The following ATG5 variants were observed in gnomAD, a reference collection of about 807,000 sequenced individuals.
ATG5 encodes the protein autophagy protein 5.
A neutral mutation model predicts 36.5 loss-of-function variants in ATG5; 14 were observed. The observed-to-expected ratio is 0.38, with a 90% CI of 0.25 to 0.60. The LOEUF (loss-of-function observed/expected upper bound fraction) is 0.60. ATG5 is among the 20% of genes least tolerant of loss of function. The probability of loss-of-function intolerance (pLI) is 0.60; values close to 1 mark genes in which losing one functional copy is unlikely to be tolerated. For missense variants in ATG5, 195 were observed against 326.7 expected, an observed-to-expected ratio of 0.60 and a Z score of 3.11; for synonymous variants, 95 against 101.5, an observed-to-expected ratio of 0.94 and a Z score of 0.38.
intron 6 of ATG5, among the ~76,000 whole-genome samples, chr6:106,215,245 A>G (rs1042640167): frequency 6.6e-6 from 1 of 152,216 alleles, no homozygotes; most frequent in African/African-American, 2.4e-5. Context: ...TGCTGACCTC[A>G]AAAGTGAAAT....
chr6:106,255,421 C>G (rs867494059), intron 5 of ATG5, among the ~76,000 whole-genome samples: 32 of 152,188 alleles, frequency 2.1e-4, no homozygotes, highest in African/African-American at 7.2e-4. Context: ...CTCTGTAAAT[C>G]GTTAAAAACT....
chr6:106,211,204 A>C lies in ATG5; in HGVS notation c.574-9115T>G, dbSNP rs1397974627. 3.9e-5 allele frequency among the ~76,000 whole-genome samples: 6 copies of C among 152,242 alleles called. No homozygotes were observed. The South Asian group carries it at 1.2e-3, about 31-fold the overall frequency. ...GAGTAAAAGGAGATTCTATTCACTGAAACAAAGTGATAAAAAGCTATGAAA... is the reference window on the plus strand; with the variant it reads ...GAGTAAAAGGAGATTCTATTCACTGCAACAAAGTGATAAAAAGCTATGAAA... On this transcript the variant is annotated intron_variant, in intron 6 of 7. Transcript: ENST00000369076.
At chr6:106,261,832 C>T (rs1035767580) in intron 5 of ATG5, among the ~76,000 whole-genome samples, 2 of 152,068 alleles carry the variant, frequency 1.3e-5, no homozygotes, top group Non-Finnish European at 2.9e-5. Context: ...CAATTATTAC[C>T]GGGGGAGCGG....
chr6:106,323,341 T>A (rs1771171071), intron 1 of ATG5, among the ~76,000 whole-genome samples: 2 of 136,436 alleles, frequency 1.5e-5, no homozygotes, highest in South Asian at 4.9e-4. Context: ...GGATCATGGG[T>A]CACTGTAACC....
chr6:106,305,404 A>T (rs1562266491), intron 3 of ATG5, among the ~76,000 whole-genome samples: 1 of 152,214 alleles, frequency 6.6e-6, no homozygotes, highest in Non-Finnish European at 1.5e-5. Context: ...ACTGAGTATG[A>T]TGAAAGTCAT....
At chr6:106,202,266 G>C (rs1476228828) in intron 6 of ATG5, 177 bp from the exon 7 acceptor site, 1 of 472,552 alleles carries the variant, frequency 2.1e-6, no homozygotes, top group Admixed American at 3.7e-5. Flanking sequence ...GATAAATTCA[G>C]GTAAATCTAA....
intron 4 of ATG5, among the ~76,000 whole-genome samples, chr6:106,280,304 A>G (rs892585408): frequency 4.6e-5 from 7 of 151,932 alleles, no homozygotes; most frequent in Non-Finnish European, 8.8e-5. Context: ...AGAAAAGAAA[A>G]AAGTATTATG....
chr6:106,228,829 G>C (rs1777549665), intron 6 of ATG5, among the ~76,000 whole-genome samples: 1 of 152,180 alleles, frequency 6.6e-6, no homozygotes, highest in African/African-American at 2.4e-5. Flanking sequence ...GGCTATCTGG[G>C]GAAGGGCTTT....
intron 2 of ATG5, among the ~76,000 whole-genome samples, chr6:106,311,585 A>T (rs1333322365): frequency 6.6e-6 from 1 of 152,230 alleles, no homozygotes; most frequent in Non-Finnish European, 1.5e-5. Context: ...TAAGATGCTG[A>T]ATATGATAGG....
In ATG5 at chr6:106,297,717, AACACACACACACACACACACACAC is replaced by A. The variant is rs56336702; in HGVS notation, c.237-4635_237-4612del. On this transcript the variant is annotated intron_variant, in intron 3 of 7. Transcript: ENST00000369076. ...TCTAAATTATTTGCAAAATGACTTAAACACACACACACACACACACACACACACACACACACACACACACACACA... is the reference window on the plus strand; with the variant it reads ...TCTAAATTATTTGCAAAATGACTTAAACACACACACACACACACACACACA... Among the ~76,000 whole-genome samples the A allele has an allele frequency of 5.2e-3, 701 of 135,514 alleles. 6 individuals are homozygous for A. The highest frequency in any genetic ancestry group is 6.2e-3 in the Non-Finnish European group (390 of 63,116). 88.9% of individuals were successfully genotyped at this position (135,514 alleles called of 152,430 possible). A position where few individuals can be genotyped will look rare whatever the true frequency, so the allele number is the denominator to read the frequency against.
chr6:106,307,588 G>A (rs1482551378), intron 3 of ATG5, among the ~76,000 whole-genome samples: 2 of 141,304 alleles, frequency 1.4e-5, no homozygotes, highest in Non-Finnish European at 3.0e-5. Context: ...TGCCCAGGCT[G>A]GAGTGGAATG....
chr6:106,297,822 G>C (rs1179505405), intron 3 of ATG5, among the ~76,000 whole-genome samples: 1 of 150,194 alleles, frequency 6.7e-6, no homozygotes, highest in Non-Finnish European at 1.5e-5. Context: ...TGTAATCCTA[G>C]CACTATGGAA....
At chr6:106,313,643 A>G (rs1365865659) in intron 2 of ATG5, among the ~76,000 whole-genome samples, 8 of 152,256 alleles carry the variant, frequency 5.3e-5, no homozygotes, top group Non-Finnish European at 1.2e-4. Context: ...GCTCAGTGAT[A>G]AACATATAGG....
chr6:106,228,948 C>T (rs1028479148), intron 6 of ATG5, among the ~76,000 whole-genome samples: 3 of 152,208 alleles, frequency 2.0e-5, no homozygotes, highest in Admixed American at 6.5e-5. Context: ...AGAAAGCTGT[C>T]GTCCCGAACT....
At chr6:106,194,913 A>G (rs1776116925) in intron 7 of ATG5, among the ~76,000 whole-genome samples, 1 of 152,230 alleles carries the variant, frequency 6.6e-6, no homozygotes, top group Admixed American at 6.5e-5. Context: ...TTTTTAATGT[A>G]CAAAGAAAAA....
intron 6 of ATG5, among the ~76,000 whole-genome samples, chr6:106,246,524 T>A (rs1778348127): frequency 6.6e-6 from 1 of 151,718 alleles, no homozygotes; most frequent in Admixed American, 6.6e-5. Flanking sequence ...TAAAACAGAA[T>A]AAATTCAAAA....
At chr6:106,192,759 T>TA (rs1431621883) in intron 7 of ATG5, among the ~76,000 whole-genome samples, 1 of 152,156 alleles carries the variant, frequency 6.6e-6, no homozygotes, top group African/African-American at 2.4e-5. Flanking sequence ...TTCTGAAAAA[T>TA]ACTTAATACT....
At chr6:106,220,108 A>G (rs1777184090) in intron 6 of ATG5, among the ~76,000 whole-genome samples, 1 of 152,210 alleles carries the variant, frequency 6.6e-6, no homozygotes, top group South Asian at 2.1e-4. Context: ...TATCAAAGTC[A>G]GATGATACAA....
chr6:106,205,712 G>A (rs923218467), intron 6 of ATG5, among the ~76,000 whole-genome samples: 6 of 152,024 alleles, frequency 3.9e-5, no homozygotes, highest in Admixed American at 3.3e-4. Context: ...TCCCAAATCT[G>A]AGCAAGTATT....
Sources: gnomAD v4.1 joint callset for allele counts (sites outside exome capture counted in the v4.1 genomes callset) on GRCh38, gnomAD v4.1.1 for gene constraint, MANE v1.5 for transcripts, NCBI Gene and HGNC (gene_info 2026-07-23, HGNC 2026-07-21) for gene names.